IL4I1: variants seen among roughly 807,000 people sequenced by gnomAD.
IL4I1 encodes the protein L-amino-acid oxidase.
In IL4I1, 24 loss-of-function variants were observed where a neutral mutation model predicts 29.7. The ratio of observed to expected loss-of-function variants is 0.81; its 90% CI spans 0.59 to 1.14. The LOEUF is 1.14. Among genes scored for constraint, IL4I1 ranks in the 50% most tolerant of loss-of-function variants. The pLI is 0.00. For missense variants in IL4I1, 686 were observed against 785.6 expected, an observed-to-expected ratio of 0.87 and a Z score of 1.52; for synonymous variants, 371 against 352.5, an observed-to-expected ratio of 1.05 and a Z score of -0.59.
In IL4I1 at chr19:49,890,002, G is replaced by C; in HGVS notation, c.1372C>G (p.Pro458Ala). Residue 458 changes from proline (P) to alanine (A), a missense_variant, in exon 8 of 8, where the codon CCG becomes GCG. Pro to Ala is a conservative substitution (Grantham distance 27). Coordinates refer to ENST00000391826, the MANE Select transcript of IL4I1 (RefSeq NM_152899.2). ...TTTTCGGTTTGCCAGAGCGCCGGCG[G>C]CTGTACCACAAAGCCACCCTGGCTG... ...QHSQGGFVVQ[P>A]PALWQTEKDD... 1 of 1,556,076 alleles carries C rather than the reference G, an allele frequency of 6.4e-7. No homozygotes were observed. The highest frequency in any genetic ancestry group is 8.7e-7 in the Non-Finnish European group (1 of 1,150,094).
At chr19:49,890,709 T>C (rs1600462898) in intron 7 of IL4I1, 109 bp from the exon 8 acceptor site, 1 of 911,964 alleles carries the variant, frequency 1.1e-6, no homozygotes, top group Non-Finnish European at 1.5e-6. Flanking sequence ...ACCGGCCCGC[T>C]CCCCCGTCAT....
chr19:49,918,290 C>G (rs1013669659), intron 2 of IL4I1, among the ~76,000 whole-genome samples: 13 of 152,136 alleles, frequency 8.5e-5, no homozygotes, highest in African/African-American at 2.7e-4. Flanking sequence ...GTCTCCAACT[C>G]CTGGGCTGAA....
At chr19:49,894,559 G>C in intron 4 of IL4I1, 90 bp from the exon 5 acceptor site, 1 of 721,506 alleles carries the variant, frequency 1.4e-6, no homozygotes, top group Non-Finnish European at 2.3e-6. Flanking sequence ...TGGGAGGGGA[G>C]AGTAGCTGGG....
At chr19:49,913,301 A>G (rs2075527162) in intron 2 of IL4I1, 1 of 152,254 alleles carries the variant, frequency 6.6e-6, no homozygotes. Context: ...CAAAGAGAGA[A>G]AATGGCCCTT....
chr19:49,896,156 G>A lies in IL4I1; in HGVS notation c.5C>T (p.Ala2Val). The change falls in exon 2 of 8, where the codon GCC becomes GTC. Residue 2 changes from alanine to valine, a missense_variant. By Grantham distance (64) the Ala-to-Val change is moderately conservative. Coordinates refer to ENST00000391826, the MANE Select transcript of IL4I1 (RefSeq NM_152899.2). M[A>V]PLALHLLVLV... ...CTCCCCTGCTTACTCACCCAATGGG[G>A]CCATGACTCTCGGTGGGAGATGGTG... 1 of 1,540,746 alleles carries A rather than the reference G, an allele frequency of 6.5e-7. No homozygotes were observed. Among genetic ancestry groups the A allele is most frequent in the Non-Finnish European group, 8.8e-7 (1 of 1,141,532 alleles).
At chr19:49,890,936 G>GCCC in intron 7 of IL4I1, 35 bp downstream of exon 7, 1 of 307,918 alleles carries the variant, frequency 3.2e-6, no homozygotes, top group South Asian at 4.6e-5. Flanking sequence ...ATTGCCCCCC[G>GCCC]CCCCCCCCCC....
chr19:49,914,667 C>CTCTACCAGGG (rs2075572227), intron 2 of IL4I1, among the ~76,000 whole-genome samples: 2 of 149,742 alleles, frequency 1.3e-5, no homozygotes, highest in South Asian at 4.2e-4. Context: ...TCACCCCAGC[C>CTCTACCAGGG]TTCGGTCAGC....
At chr19:49,918,790 C>G (rs12977375) in intron 2 of IL4I1, among the ~76,000 whole-genome samples, 16,820 of 151,640 alleles carry the variant, frequency 0.11, 1,308 homozygotes, top group African/African-American at 0.2. Flanking sequence ...ACCCAGGAGG[C>G]CGCACCACCC....
In IL4I1 at chr19:49,909,534, T is replaced by C. The variant is rs2122605090; in HGVS notation, c.-227-5213A>G. ...CTCAAGTTGAGCTTTGAAGCACCGA[T>C]CCCCAAAGAAAATCCAGTTCCCCCC... is the stretch of plus-strand genomic sequence containing the variant. On this transcript the variant is annotated intron_variant, in intron 2 of 9. Coordinates refer to the IL4I1 transcript ENST00000341114. 6.2e-7 allele frequency: 1 copy of C among 1,614,110 alleles called. No homozygotes were observed.
Position 49,889,785 on chromosome 19 carries a change from A to ACATGCC in IL4I1, c.1583_1588dup (p.Gly528_His529dup). On this transcript the variant is annotated inframe_insertion, in exon 8 of 8. Transcript: ENST00000391826. ...CGAGGGGCTGCTGGCCACCCCATGC[A>ACATGCC]CATGCCCCTGCCCCTCCATGTCAGA... The ACATGCC allele has an allele frequency of 6.5e-7, 1 of 1,536,432 alleles. No homozygotes were observed. Among genetic ancestry groups the ACATGCC allele is most frequent in the Non-Finnish European group, 8.8e-7 (1 of 1,141,602 alleles).
intron 2 of IL4I1, chr19:49,908,424 C>A: frequency 6.2e-7 from 1 of 1,614,128 alleles, no homozygotes; most frequent in Non-Finnish European, 8.5e-7. Context: ...GCGGGGGCCC[C>A]GGACGTGTTC....
chr19:49,921,487 G>A lies in IL4I1; in HGVS notation c.-228+6207C>T, dbSNP rs1405716709. The stretch of plus-strand genomic sequence containing the variant: ...AAATCCAATTCAGGATGATCCGCCC[G>A]CCCCAGCTGCAGACGATGGCCTGAG... On this transcript the variant is annotated intron_variant, in intron 2 of 9. Coordinates refer to the IL4I1 transcript ENST00000341114. The surrounding 1 kb of genome is among the most constrained non-coding windows in gnomAD (Gnocchi z 5.4). 5.9e-5 allele frequency among the ~76,000 whole-genome samples: 9 copies of A among 152,258 alleles called. No individual in the cohort carries two copies. Among genetic ancestry groups the A allele is most frequent in the Non-Finnish European group, 8.8e-5 (6 of 68,018 alleles).
At chr19:49,908,310 C>T in intron 2 of IL4I1, 1 of 1,614,134 alleles carries the variant, frequency 6.2e-7, no homozygotes, top group African/African-American at 1.3e-5. Flanking sequence ...GTCACCTCCT[C>T]CACCTTCCTC....
Position 49,891,114 on chromosome 19 carries a change from G to T in IL4I1, c.637-7C>A. On this transcript the variant is annotated splice_polypyrimidine_tract_variant and splice_region_variant and intron_variant, in intron 6 of 7. Coordinates refer to ENST00000391826, the MANE Select transcript of IL4I1 (RefSeq NM_152899.2). ...CCTCCCCGAGAAGATATTCCTGCAG[G>T]TTGGGCACAGGCCGAGGTTAGGGCC... The T allele has an allele frequency of 6.2e-7, 1 of 1,611,104 alleles. No homozygotes were observed. Among genetic ancestry groups the T allele is most frequent in the Non-Finnish European group, 8.5e-7 (1 of 1,178,940 alleles).
rs766296517 is a variant in IL4I1 at position 49,889,807 on chromosome 19, C to G, written c.1567G>C (p.Asp523His). 3.9e-6 allele frequency: 6 copies of G among 1,548,136 alleles called. No individual in the cohort carries two copies. Among genetic ancestry groups the G allele is most frequent in the Non-Finnish European group, 5.2e-6 (6 of 1,146,882 alleles). Reference protein sequence around the residue: ...DTASPEGHASDMEGQGHVHGV... With the variant: ...DTASPEGHASHMEGQGHVHGV... ...TGCACATGCCCCTGCCCCTCCATGTCAGATGCGTGCCCCTCGGGGCTGGCC... is the reference window on the plus strand; with the variant it reads ...TGCACATGCCCCTGCCCCTCCATGTGAGATGCGTGCCCCTCGGGGCTGGCC... The change falls in exon 8 of 8, where the codon GAC (aspartate) becomes CAC (histidine). Residue 523 changes from aspartate to histidine, a missense_variant. Asp to His is a moderately conservative substitution (Grantham distance 81). Coordinates refer to ENST00000391826, the MANE Select transcript of IL4I1 (RefSeq NM_152899.2).
intron 4 of IL4I1, 113 bp downstream of exon 4, chr19:49,894,955 G>T (rs1443037072): frequency 1.3e-6 from 1 of 770,664 alleles, no homozygotes; most frequent in Non-Finnish European, 2.2e-6. Context: ...GAAGGATGGG[G>T]TTGGAGGCTG....
chr19:49,895,409 C>T (rs926778995), intron 3 of IL4I1, among the ~76,000 whole-genome samples: 3 of 152,174 alleles, frequency 2.0e-5, no homozygotes, highest in Admixed American at 2.0e-4. Context: ...CTTCCCAGCT[C>T]GGGGAGTTCG....
At chr19:49,902,435 C>T (rs2075279599) in intron 3 of IL4I1, among the ~76,000 whole-genome samples, 1 of 150,786 alleles carries the variant, frequency 6.6e-6, no homozygotes, top group East Asian at 2.0e-4. Context: ...TCTCGGCTCA[C>T]TGCAAGCTCC....
intron 2 of IL4I1, chr19:49,909,285 A>T: frequency 6.2e-7 from 1 of 1,613,952 alleles, no homozygotes; most frequent in South Asian, 1.1e-5. Flanking sequence ...TTCCCTGCTG[A>T]GCCAATGTTG....
Sources: allele counts gnomAD v4.1 joint callset (sites outside exome capture counted in the v4.1 genomes callset), GRCh38; gene constraint gnomAD v4.1.1; non-coding constraint Gnocchi (gnomAD v3.1); transcripts MANE v1.5; gene names NCBI Gene and HGNC (gene_info 2026-07-23, HGNC 2026-07-21).